The following FOLH1 variants were observed in gnomAD, a reference collection of about 807,000 sequenced individuals.
The protein encoded by FOLH1 is folate hydrolase 1.
In FOLH1, 54 loss-of-function variants were observed where a neutral mutation model predicts 93.9. The observed-to-expected ratio is 0.57, with a 90% CI of 0.46 to 0.72. The LOEUF (loss-of-function observed/expected upper bound fraction) is 0.72, where lower values mean the gene tolerates loss of function less well. FOLH1 is among the 30% of genes least tolerant of loss of function. The pLI is 0.00. For synonymous variants in FOLH1, 249 were observed against 303.6 expected (o/e 0.82, Z 1.87); for missense variants, 571 against 892.5 (o/e 0.64, Z 4.59).
intron 3 of FOLH1, among the ~76,000 whole-genome samples, chr11:49,195,760 TAAG>T (rs939345130): frequency 5.3e-5 from 8 of 152,146 alleles, no homozygotes; most frequent in African/African-American, 1.9e-4. Flanking sequence ...TTACAAAAGA[TAAG>T]AAAATACTAG....
intron 10 of FOLH1, among the ~76,000 whole-genome samples, chr11:49,171,575 C>T (rs1859299255): frequency 1.3e-5 from 2 of 152,050 alleles, no homozygotes; most frequent in East Asian, 3.9e-4. Flanking sequence ...TGGTGGTCTG[C>T]AACTGCCTAG....
chr11:49,151,527 A>G (rs1457409581), intron 17 of FOLH1, among the ~76,000 whole-genome samples: 2 of 152,244 alleles, frequency 1.3e-5, no homozygotes, highest in East Asian at 3.8e-4. Flanking sequence ...GGATAAAGTC[A>G]TGTCTCTTCC....
chr11:49,208,251 G>T (rs1283443896), intron 1 of FOLH1, 41 bp downstream of exon 1: 2 of 1,385,962 alleles, frequency 1.4e-6, no homozygotes, highest in African/African-American at 1.4e-5. Context: ...GCGGCACCAC[G>T]GGGAAGACTC....
chr11:49,154,198 G>A (rs1856763255), intron 16 of FOLH1, 30 bp downstream of exon 16: 2 of 1,609,996 alleles, frequency 1.2e-6, no homozygotes, highest in Non-Finnish European at 8.5e-7. Context: ...CCATACAGAT[G>A]AGGAATTTGA....
chr11:49,208,525 T>G lies in FOLH1; in HGVS notation c.-116A>C. ...CTCTCAATCTCACTAATGCCTCGCT[T>G]ATCAGCCCTGCAGGCTGGAATTCGC... is the stretch of plus-strand genomic sequence containing the variant. On this transcript the variant is annotated 5_prime_UTR_variant, in exon 1 of 19. Coordinates refer to ENST00000256999, the MANE Select transcript of FOLH1 (RefSeq NM_004476.3). 1 of 675,444 alleles carries G rather than the reference T, an allele frequency of 1.5e-6. No individual in the cohort carries two copies. Among genetic ancestry groups the G allele is most frequent in the Non-Finnish European group, 2.5e-6 (1 of 402,362 alleles). The allele number at this position is 675,444 out of a possible 1,614,324, so 41.8% of individuals were successfully genotyped here. A position where few individuals can be genotyped will look rare whatever the true frequency, so the allele number is the denominator to read the frequency against.
At chr11:49,205,502 A>G (rs1590711593) in intron 2 of FOLH1, among the ~76,000 whole-genome samples, 4 of 152,290 alleles carry the variant, frequency 2.6e-5, no homozygotes, top group Middle Eastern at 6.8e-3. Context: ...CAAAGTATTA[A>G]TAGGCAAAGA....
chr11:49,156,699 A>G lies in FOLH1; in HGVS notation c.1623+18T>C. On this transcript the variant is annotated intron_variant, in intron 15 of 18. Transcript: ENST00000256999. Reference sequence around the variant, plus strand: ...AACATATTCATAAATAATCTTAGATAATTTGAGATTCACTTACCCAATTTT... The same window carrying G: ...AACATATTCATAAATAATCTTAGATGATTTGAGATTCACTTACCCAATTTT... The G allele has an allele frequency of 6.2e-7, 1 of 1,612,486 alleles. No individual in the cohort carries two copies. The highest frequency in any genetic ancestry group is 8.5e-7 in the Non-Finnish European group (1 of 1,178,858).
chr11:49,158,302 G>A (rs1398333546), intron 13 of FOLH1, among the ~76,000 whole-genome samples: 1 of 152,066 alleles, frequency 6.6e-6, no homozygotes, highest in African/African-American at 2.4e-5. Context: ...TTCATACCAA[G>A]CCATTGTCTT....
intron 7 of FOLH1, among the ~76,000 whole-genome samples, chr11:49,181,527 C>T (rs1487372494): frequency 6.6e-6 from 1 of 152,028 alleles, no homozygotes; most frequent in African/African-American, 2.4e-5. Flanking sequence ...TCTGGTACTA[C>T]ATATAATATC....
intron 14 of FOLH1, among the ~76,000 whole-genome samples, chr11:49,157,492 A>C (rs1369926498): frequency 6.6e-6 from 1 of 152,070 alleles, no homozygotes; most frequent in Non-Finnish European, 1.5e-5. Context: ...AAAGATTAGA[A>C]CATTTTAAAA....
chr11:49,156,729 A>G lies in FOLH1; in HGVS notation c.1611T>C (p.Tyr537=). Residue 537 remains tyrosine (Y), a synonymous_variant, in exon 15 of 19, where the codon TAT becomes TAC. Coordinates refer to ENST00000256999, the MANE Select transcript of FOLH1 (RefSeq NM_004476.3). ...RLGIASGRAR[Y]TKNWETNKFS... ...GAGATTCACTTACCCAATTTTTAGT[A>G]TACCGTGCTCTGCCTGAAGCAATTC... The G allele has an allele frequency of 1.2e-6, 2 of 1,612,830 alleles. No homozygotes were observed. Among genetic ancestry groups the G allele is most frequent in the African/African-American group, 2.7e-5 (2 of 74,986 alleles).
chr11:49,159,530 T>G lies in FOLH1; in HGVS notation c.1441-1487A>C, dbSNP rs552244596. ...TTCTAATGTGCTGCTGGATTCTGTT[T>G]GCCAGTACTTTATTGAGGATTTTTG... On this transcript the variant is annotated intron_variant, in intron 13 of 18. Transcript: ENST00000256999. 1.2e-3 allele frequency among the ~76,000 whole-genome samples: 189 copies of G among 152,328 alleles called. 1 individual carries two copies. Among genetic ancestry groups the G allele is most frequent in the Non-Finnish European group, 2.3e-3 (155 of 68,028 alleles).
chr11:49,147,570 G>C (rs1047637948), intron 18 of FOLH1, among the ~76,000 whole-genome samples: 28 of 152,086 alleles, frequency 1.8e-4, no homozygotes, highest in Admixed American at 1.1e-3. Context: ...ATGTTTTATA[G>C]AATGGGCTAT....
intron 14 of FOLH1, among the ~76,000 whole-genome samples, chr11:49,157,692 G>T (rs1305510099): frequency 1.3e-5 from 2 of 151,838 alleles, no homozygotes; most frequent in African/African-American, 4.8e-5. Context: ...TATAAGAAAT[G>T]ACCAATCTTT....
Position 49,208,487 on chromosome 11 carries a change from C to G in FOLH1, c.-78G>C, listed in dbSNP as rs1285817723. The G allele has an allele frequency of 3.0e-6, 3 of 983,812 alleles. No homozygotes were observed. In the South Asian group the frequency reaches 4.8e-5, roughly 16 times the overall value. 60.9% of individuals were successfully genotyped at this position (983,812 alleles called of 1,614,324 possible). A position where few individuals can be genotyped will look rare whatever the true frequency, so the allele number is the denominator to read the frequency against. ...ACTGCGCGCCCTCCAACCACCACGG[C>G]GGGGTAAAGTCTCTCTCAATCTCAC... On this transcript the variant is annotated 5_prime_UTR_variant, in exon 1 of 19. Transcript: ENST00000256999.
At chr11:49,179,057 T>A (rs1454709332) in intron 7 of FOLH1, among the ~76,000 whole-genome samples, 1 of 152,118 alleles carries the variant, frequency 6.6e-6, no homozygotes, top group Non-Finnish European at 1.5e-5. Context: ...TTCTAAAAAA[T>A]TTGGACAAAA....
intron 4 of FOLH1, among the ~76,000 whole-genome samples, chr11:49,187,678 C>T (rs1440576223): frequency 1.3e-5 from 2 of 152,098 alleles, no homozygotes; most frequent in Non-Finnish European, 2.9e-5. Context: ...TATATTTGTG[C>T]TGGGCACCAG....
intron 18 of FOLH1, among the ~76,000 whole-genome samples, chr11:49,147,653 G>C (rs1438302963): frequency 2.6e-5 from 4 of 152,286 alleles, no homozygotes; most frequent in African/African-American, 9.6e-5. Flanking sequence ...GCCAGAAGCA[G>C]TAGCTCATGC....
At chr11:49,169,306 C>T (rs1590519226) in intron 11 of FOLH1, 48 bp from the exon 12 acceptor site, 1 of 1,552,748 alleles carries the variant, frequency 6.4e-7, no homozygotes, top group Non-Finnish European at 8.9e-7. Context: ...ACCCACTCCC[C>T]CTCCCCCACA....
Sources: allele counts gnomAD v4.1 joint callset (sites outside exome capture counted in the v4.1 genomes callset), GRCh38; gene constraint gnomAD v4.1.1; transcripts MANE v1.5; gene names NCBI Gene and HGNC (gene_info 2026-07-23, HGNC 2026-07-21).